BRIP1: variants seen among roughly 807,000 people sequenced by gnomAD.
BRIP1 encodes Fanconi anemia group J protein.
BRIP1 carries 88 observed loss-of-function variants against 119.7 expected under a neutral mutation model. The ratio of observed to expected loss-of-function variants is 0.74; its 90% CI spans 0.62 to 0.88. BRIP1 has a LOEUF of 0.88. Among genes scored for constraint, BRIP1 ranks in the 40% least tolerant of loss-of-function variants. The pLI is 0.00. For missense variants in BRIP1, 1,259 were observed against 1,455.4 expected (o/e 0.87, Z 2.20); for synonymous variants, 443 against 496.5 (o/e 0.89, Z 1.43).
At chr17:61,849,309 T>C in intron 4 of BRIP1, 53 bp from the exon 5 acceptor site, 1 of 1,520,032 alleles carries the variant, frequency 6.6e-7, no homozygotes. Context: ...GGTAGGCAAT[T>C]TTTCTAGAAG....
At chr17:61,764,228 A>G (rs2077318701) in intron 14 of BRIP1, among the ~76,000 whole-genome samples, 1 of 152,184 alleles carries the variant, frequency 6.6e-6, no homozygotes, top group Non-Finnish European at 1.5e-5. Flanking sequence ...AGTCTCTGTA[A>G]GCACACCATC....
intron 6 of BRIP1, among the ~76,000 whole-genome samples, chr17:61,836,975 A>G (rs976650936): frequency 1.3e-5 from 2 of 152,210 alleles, no homozygotes; most frequent in Admixed American, 6.5e-5. Flanking sequence ...CAGGTTTGTG[A>G]CATGAACAAG....
At chr17:61,702,877 CAACA>C (rs1352099878) in intron 17 of BRIP1, among the ~76,000 whole-genome samples, 1 of 151,912 alleles carries the variant, frequency 6.6e-6, no homozygotes, top group Non-Finnish European at 1.5e-5. Flanking sequence ...TTTCAGAAAT[CAACA>C]AACTGCTTTC....
rs1603287051 is a variant in BRIP1 at position 61,703,910 on chromosome 17, A to T, written c.2493-10398T>A. Among the ~76,000 whole-genome samples the T allele has an allele frequency of 6.6e-6, 1 of 152,178 alleles. No individual in the cohort carries two copies. Among genetic ancestry groups the T allele is most frequent in the African/African-American group, 2.4e-5 (1 of 41,530 alleles). Reference sequence around the variant, plus strand: ...TGTTTTGTTGCAATTGCTTTTGAGGACTTAGTCACAAATTCTTTGCCAAAT... The same window carrying T: ...TGTTTTGTTGCAATTGCTTTTGAGGTCTTAGTCACAAATTCTTTGCCAAAT... On this transcript the variant is annotated intron_variant, in intron 17 of 19. Coordinates refer to ENST00000259008, the MANE Select transcript of BRIP1 (RefSeq NM_032043.3). This position sits in a 1 kb window ranked among gnomAD's most constrained non-coding sequence, Gnocchi z 5.0.
rs375741316 is a variant in BRIP1, at chr17:61,683,539, G to T, written c.3507C>A (p.Asp1169Glu). Reference sequence around the variant, plus strand: ...CTTTTATAGTTCTAATTTCAAAAAGGTCTTTAGCTAAAATGCAATCTGAAT... The same window carrying T: ...CTTTTATAGTTCTAATTTCAAAAAGTTCTTTAGCTAAAATGCAATCTGAAT... ...ANNSDCILAK[D>E]LFEIRTIKEV... Residue 1169 changes from aspartate to glutamate, a missense_variant, in exon 20 of 20, where the codon GAC becomes GAA. By Grantham distance (45) the Asp-to-Glu change is conservative (BLOSUM62 2). Coordinates refer to ENST00000259008, the MANE Select transcript of BRIP1 (RefSeq NM_032043.3). This position sits in a 1 kb window ranked among gnomAD's most constrained non-coding sequence, Gnocchi z 4.7. 7 of 1,613,136 alleles carry T rather than the reference G, an allele frequency of 4.3e-6. No homozygotes were observed. Among genetic ancestry groups the T allele is most frequent in the Non-Finnish European group, 5.9e-6 (7 of 1,179,974 alleles).
rs114161907 is a variant in BRIP1, at chr17:61,699,006, C to T, written c.2493-5494G>A. 1.7e-4 allele frequency among the ~76,000 whole-genome samples: 26 copies of T among 152,226 alleles called. No individual in the cohort carries two copies. Among genetic ancestry groups the T allele is most frequent in the African/African-American group, 6.3e-4 (26 of 41,558 alleles). ...TGCTGGGATTGCAGGCAGAATGGCA[C>T]TTTTATCATTATAAAATGTTAATTG... On this transcript the variant is annotated intron_variant, in intron 17 of 19. Coordinates refer to ENST00000259008, the MANE Select transcript of BRIP1 (RefSeq NM_032043.3). This position sits in a 1 kb window ranked among gnomAD's most constrained non-coding sequence, Gnocchi z 4.8.
At chr17:61,716,237 C>G (rs2061860813) in intron 16 of BRIP1, among the ~76,000 whole-genome samples, 174 bp from the exon 17 acceptor site, 1 of 151,872 alleles carries the variant, frequency 6.6e-6, no homozygotes, top group Admixed American at 6.6e-5. Flanking sequence ...GCTTCACATT[C>G]CTTAAATTAC....
In BRIP1 at chr17:61,717,673, G is replaced by A. The variant is rs569136083; in HGVS notation, c.2380-1610C>T. On this transcript the variant is annotated intron_variant, in intron 16 of 19. Coordinates refer to ENST00000259008, the MANE Select transcript of BRIP1 (RefSeq NM_032043.3). The surrounding 1 kb of genome is among the most constrained non-coding windows in gnomAD (Gnocchi z 4.1). ...GTGTGCTGTTGTGTGTATTTTGCTT[G>A]CGTTTTTATTAAGCTTCTTGGACCT... is the stretch of plus-strand genomic sequence containing the variant. Among the ~76,000 whole-genome samples, 1 of 152,040 alleles carries A rather than the reference G, an allele frequency of 6.6e-6. No individual in the cohort carries two copies. Among genetic ancestry groups the A allele is most frequent in the Non-Finnish European group, 1.5e-5 (1 of 67,948 alleles).
rs1410628138 is a variant in BRIP1 at position 61,708,364 on chromosome 17, A to G, written c.2492+7587T>C. Among the ~76,000 whole-genome samples the G allele has an allele frequency of 6.6e-6, 1 of 152,170 alleles. No individual in the cohort carries two copies. The highest frequency in any genetic ancestry group is 2.4e-5 in the African/African-American group (1 of 41,450). On this transcript the variant is annotated intron_variant, in intron 17 of 19. Coordinates refer to ENST00000259008, the MANE Select transcript of BRIP1 (RefSeq NM_032043.3). This position sits in a 1 kb window ranked among gnomAD's most constrained non-coding sequence, Gnocchi z 4.4. ...CCTTTGTCCACCATGTCCATGCTGT[A>G]TACTCTTTTTGCCCATTAGTCACTT...
intron 5 of BRIP1, among the ~76,000 whole-genome samples, chr17:61,847,613 T>G (rs1013150978): frequency 6.6e-6 from 1 of 152,140 alleles, no homozygotes; most frequent in African/African-American, 2.4e-5. Context: ...TGAAAAGAAC[T>G]CAGAATAAAA....
rs2061277445 is a variant in BRIP1, at chr17:61,682,059, T to C, written c.*1237A>G. 4.9e-6 allele frequency: 1 copy of C among 203,878 alleles called. No homozygotes were observed. The highest frequency in any genetic ancestry group is 2.3e-5 in the African/African-American group (1 of 43,814). 12.6% of individuals were successfully genotyped at this position (203,878 alleles called of 1,614,324 possible). ...GAGCCTCTTTTATAATCATTTTTGA[T>C]TAGACATATAGCTTCATTCACAAAA... is the stretch of plus-strand genomic sequence containing the variant. On this transcript the variant is annotated 3_prime_UTR_variant, in exon 20 of 20. Transcript: ENST00000259008. This position sits in a 1 kb window ranked among gnomAD's most constrained non-coding sequence, Gnocchi z 4.9.
chr17:61,789,901 A>C lies in BRIP1; in HGVS notation c.1473+3696T>G, dbSNP rs1469367253. On this transcript the variant is annotated intron_variant, in intron 10 of 19. Transcript: ENST00000259008. This position sits in a 1 kb window ranked among gnomAD's most constrained non-coding sequence, Gnocchi z 4.8. ...TTTATGAGTCATTTTTCTTTGTGCC[A>C]TTCTGTATTTTCCAGTTTTTTTCCC... 3.3e-5 allele frequency among the ~76,000 whole-genome samples: 5 copies of C among 152,170 alleles called. No homozygotes were observed. Among genetic ancestry groups the C allele is most frequent in the Non-Finnish European group, 7.4e-5 (5 of 68,018 alleles).
In BRIP1 at chr17:61,686,481, T is replaced by C. The variant is rs1467871136; in HGVS notation, c.2576-316A>G. Among the ~76,000 whole-genome samples the C allele has an allele frequency of 6.6e-6, 1 of 151,298 alleles. No homozygotes were observed. Among genetic ancestry groups the C allele is most frequent in the Non-Finnish European group, 1.5e-5 (1 of 67,870 alleles). ...GAACATGGCAAATTTAATTTCATCA[T>C]AATTCCCCACAAAAATTGCCTTTTT... is the stretch of plus-strand genomic sequence containing the variant. On this transcript the variant is annotated intron_variant, in intron 18 of 19. Transcript: ENST00000259008. This position sits in a 1 kb window ranked among gnomAD's most constrained non-coding sequence, Gnocchi z 5.4.
chr17:61,862,207 G>A lies in BRIP1; in HGVS notation c.-30-638C>T, dbSNP rs1198495467. Reference sequence around the variant, plus strand: ...TCTCTAGTCTAAGATCCTTACCTGTGATAACCCCTAATTTAATTTAAAGGC... The same window carrying A: ...TCTCTAGTCTAAGATCCTTACCTGTAATAACCCCTAATTTAATTTAAAGGC... On this transcript the variant is annotated intron_variant, in intron 1 of 19. Coordinates refer to ENST00000259008, the MANE Select transcript of BRIP1 (RefSeq NM_032043.3). The surrounding 1 kb of genome is among the most constrained non-coding windows in gnomAD (Gnocchi z 5.3). 2 of 152,766 alleles carry A rather than the reference G, an allele frequency of 1.3e-5. No homozygotes were observed. The highest frequency in any genetic ancestry group is 2.9e-5 in the Non-Finnish European group (2 of 68,502). The allele number at this position is 152,766 out of a possible 1,614,324, so 9.5% of individuals were successfully genotyped here. A position where few individuals can be genotyped will look rare whatever the true frequency, so the allele number is the denominator to read the frequency against.
Position 61,843,950 on chromosome 17 carries a change from G to A in BRIP1, c.627+3151C>T, listed in dbSNP as rs942897683. Among the ~76,000 whole-genome samples the A allele has an allele frequency of 6.6e-6, 1 of 150,942 alleles. No individual in the cohort carries two copies. Among genetic ancestry groups the A allele is most frequent in the African/African-American group, 2.4e-5 (1 of 41,060 alleles). ...ATTTTTTATTTTTTTTTAGAGACAG[G>A]GTCTCGCTCTGTCACCCAGACTGGA... On this transcript the variant is annotated intron_variant, in intron 6 of 19. Transcript: ENST00000259008. This position sits in a 1 kb window ranked among gnomAD's most constrained non-coding sequence, Gnocchi z 5.7.
At position 61,686,220 on chromosome 17, in the gene BRIP1, A is replaced by ACCTTAG; in HGVS notation, c.2576-56_2576-55insCTAAGG. ...TTGGTTACTTAGTTATTAAAATATT[A>ACCTTAG]CATGCTAAGGTAATACACTTGCTTT... On this transcript the variant is annotated intron_variant, in intron 18 of 19. Coordinates refer to ENST00000259008, the MANE Select transcript of BRIP1 (RefSeq NM_032043.3). The surrounding 1 kb of genome is among the most constrained non-coding windows in gnomAD (Gnocchi z 5.4). 6.7e-7 allele frequency: 1 copy of ACCTTAG among 1,486,226 alleles called. No individual in the cohort carries two copies. Among genetic ancestry groups the ACCTTAG allele is most frequent in the Non-Finnish European group, 9.4e-7 (1 of 1,064,776 alleles). The allele number at this position is 1,486,226 out of a possible 1,614,324, so 92.1% of individuals were successfully genotyped here.
chr17:61,714,326 G>C (rs1169836157), intron 17 of BRIP1, among the ~76,000 whole-genome samples: 1 of 152,154 alleles, frequency 6.6e-6, no homozygotes, highest in Non-Finnish European at 1.5e-5. Context: ...TTATAGTCCT[G>C]TAAGCTCTAT....
chr17:61,836,182 G>A (rs1296152995), intron 6 of BRIP1, among the ~76,000 whole-genome samples: 3 of 140,474 alleles, frequency 2.1e-5, no homozygotes, highest in African/African-American at 8.0e-5. Flanking sequence ...CATGATCACA[G>A]CTCACTTTAA....
In BRIP1 at chr17:61,789,162, C is replaced by G. The variant is rs2077778014; in HGVS notation, c.1473+4435G>C. Reference sequence around the variant, plus strand: ...CATGCCTGTAGTCCCAGCTACTGAGCAGGCTATGGCAGGAGGATCCCTTAA... The same window carrying G: ...CATGCCTGTAGTCCCAGCTACTGAGGAGGCTATGGCAGGAGGATCCCTTAA... On this transcript the variant is annotated intron_variant, in intron 10 of 19. Coordinates refer to ENST00000259008, the MANE Select transcript of BRIP1 (RefSeq NM_032043.3). This position sits in a 1 kb window ranked among gnomAD's most constrained non-coding sequence, Gnocchi z 4.8. Among the ~76,000 whole-genome samples the G allele has an allele frequency of 6.6e-6, 1 of 151,786 alleles. No individual in the cohort carries two copies. The highest frequency in any genetic ancestry group is 2.4e-5 in the African/African-American group (1 of 41,316).
Sources: gnomAD v4.1 joint callset for allele counts (sites outside exome capture counted in the v4.1 genomes callset) on GRCh38, gnomAD v4.1.1 for gene constraint, Gnocchi (gnomAD v3.1) non-coding constraint, MANE v1.5 for transcripts, NCBI Gene and HGNC (gene_info 2026-07-23, HGNC 2026-07-21) for gene names.